The following GLB1 variants were observed in gnomAD, a reference collection of about 807,000 sequenced individuals.
GLB1 encodes the protein beta-galactosidase.
A neutral mutation model predicts 74.0 loss-of-function variants in GLB1; 56 were observed. The ratio of observed to expected loss-of-function variants is 0.76; its 90% CI spans 0.61 to 0.94. The LOEUF is 0.94. GLB1 is among the 40% of genes least tolerant of loss of function. GLB1 has a pLI of 0.00. For missense variants in GLB1, 787 were observed against 845.5 expected (o/e 0.93, Z 0.86); for synonymous variants, 323 against 323.6 (o/e 1.00, Z 0.02).
intron 10 of GLB1, among the ~76,000 whole-genome samples, chr3:33,029,179 AACAAATAT>A (rs1037631512): frequency 6.6e-6 from 1 of 152,228 alleles, no homozygotes; most frequent in Non-Finnish European, 1.5e-5. Flanking sequence ...AAAAGAAATG[AACAAATAT>A]ACCAAAATGC....
intron 5 of GLB1, among the ~76,000 whole-genome samples, chr3:33,060,919 T>C (rs1371702023): frequency 1.3e-5 from 2 of 152,054 alleles, no homozygotes; most frequent in Non-Finnish European, 2.9e-5. Flanking sequence ...ATCTGGCATC[T>C]AGTAAGTGCT....
Position 33,091,104 on chromosome 3 carries a change from G to A in GLB1, c.75+5907C>T, listed in dbSNP as rs569277545. On this transcript the variant is annotated intron_variant, in intron 1 of 15. Coordinates refer to ENST00000307363, the MANE Select transcript of GLB1 (RefSeq NM_000404.4). Reference sequence around the variant, plus strand: ...TAGCCCACCTGGTGAAATCCAAAGCGAGAACTTAAAGGGAGTAAGGATGAT... The same window carrying A: ...TAGCCCACCTGGTGAAATCCAAAGCAAGAACTTAAAGGGAGTAAGGATGAT... 99 of 985,410 alleles carry A rather than the reference G, an allele frequency of 1.0e-4. No individual in the cohort carries two copies. The African/African-American group carries it at 1.4e-3, about 14-fold the overall frequency. 61.0% of individuals were successfully genotyped at this position (985,410 alleles called of 1,614,324 possible).
chr3:32,962,136 A>G, the GLB1 span, among the ~76,000 whole-genome samples: 1 of 151,852 alleles, frequency 6.6e-6, no homozygotes, highest in Admixed American at 6.6e-5. Context: ...GGAGGTTGCA[A>G]TGAGCTGAGG....
chr3:33,094,120 C>T (rs150617227), intron 1 of GLB1: 418 of 1,613,978 alleles, frequency 2.6e-4, no homozygotes, highest in Non-Finnish European at 3.2e-4. Flanking sequence ...GAGCGGGAGG[C>T]GATCATGGAC....
Position 33,053,475 on chromosome 3 carries a change from C to G in GLB1, c.792+16G>C, listed in dbSNP as rs1385388911. On this transcript the variant is annotated intron_variant, in intron 7 of 15. Coordinates refer to ENST00000307363, the MANE Select transcript of GLB1 (RefSeq NM_000404.4). ...TCTTAACAGCTGCAAACACACACCT[C>G]ACCCTCGATTCTTACCAAGGGTCCT... The G allele has an allele frequency of 6.2e-7, 1 of 1,614,208 alleles. No individual in the cohort carries two copies. The highest frequency in any genetic ancestry group is 8.5e-7 in the Non-Finnish European group (1 of 1,180,042).
At chr3:32,979,102 G>A in the GLB1 span, among the ~76,000 whole-genome samples, 3 of 151,684 alleles carry the variant, frequency 2.0e-5, no homozygotes, top group African/African-American at 4.8e-5. Context: ...TCAGCCTCCC[G>A]AGTAGCTGGG....
At chr3:33,071,900 C>T (rs1239398351) in intron 2 of GLB1, among the ~76,000 whole-genome samples, 1 of 152,140 alleles carries the variant, frequency 6.6e-6, no homozygotes, top group Admixed American at 6.6e-5. Flanking sequence ...CCAGAAAGGC[C>T]AAGAAGAATC....
chr3:33,096,405 C>G lies in GLB1; in HGVS notation c.75+606G>C, dbSNP rs868781310. The G allele has an allele frequency of 1.4e-5, 14 of 973,364 alleles. No homozygotes were observed. The South Asian group carries it at 1.9e-4, about 13-fold the overall frequency. The allele number at this position is 973,364 out of a possible 1,614,324, so 60.3% of individuals were successfully genotyped here. A position where few individuals can be genotyped will look rare whatever the true frequency, so the allele number is the denominator to read the frequency against. ...CCCCGGCAGCCTGCCTATTCCCCCCCTCAACCTGGACCCCCAAACGCCGAA... is the reference window on the plus strand; with the variant it reads ...CCCCGGCAGCCTGCCTATTCCCCCCGTCAACCTGGACCCCCAAACGCCGAA... On this transcript the variant is annotated intron_variant, in intron 1 of 15. Coordinates refer to ENST00000307363, the MANE Select transcript of GLB1 (RefSeq NM_000404.4).
chr3:33,092,708 G>A, intron 1 of GLB1: 2 of 1,458,870 alleles, frequency 1.4e-6, no homozygotes, highest in Non-Finnish European at 1.8e-6. Context: ...AGTCAGGCTT[G>A]TGACCAAGGG....
chr3:33,020,480 G>T (rs1380001403), intron 12 of GLB1, among the ~76,000 whole-genome samples: 2 of 152,164 alleles, frequency 1.3e-5, no homozygotes, highest in Admixed American at 1.3e-4. Flanking sequence ...ATCATTCCCT[G>T]AGAAGGACAT....
intron 6 of GLB1, among the ~76,000 whole-genome samples, chr3:33,056,227 CAAAAAAAAAAAAAAAA>C (rs10559091): frequency 1.6e-4 from 8 of 48,624 alleles, no homozygotes; most frequent in East Asian, 1.1e-3. Flanking sequence ...AACTCCACCT[CAAAAAAAAAAAAAAAA>C]AAAAAAAAAA....
intron 10 of GLB1, among the ~76,000 whole-genome samples, chr3:33,038,493 C>G (rs1247790486): frequency 1.3e-5 from 2 of 152,140 alleles, no homozygotes; most frequent in African/African-American, 4.8e-5. Flanking sequence ...TTGAAAGCAT[C>G]AGAAAGCTAC....
rs997166042 is a variant in GLB1, at chr3:33,077,344, T to A, written c.76-4631A>T. The A allele has an allele frequency of 2.1e-5, 32 of 1,504,354 alleles. 1 individual carries two copies. Among genetic ancestry groups the A allele is most frequent in the Middle Eastern group, 3.5e-4 (2 of 5,696 alleles). 93.2% of individuals were successfully genotyped at this position (1,504,354 alleles called of 1,614,324 possible). Reference sequence around the variant, plus strand: ...CACTTAGTAAACTAATGAAAGCCTGTTGTGAACGATAGGGATGGTCAATGA... The same window carrying A: ...CACTTAGTAAACTAATGAAAGCCTGATGTGAACGATAGGGATGGTCAATGA... On this transcript the variant is annotated intron_variant, in intron 1 of 15. Coordinates refer to ENST00000307363, the MANE Select transcript of GLB1 (RefSeq NM_000404.4).
chr3:33,077,337 A>G, intron 1 of GLB1: 1 of 1,536,058 alleles, frequency 6.5e-7, no homozygotes. Context: ...AAACTAATGA[A>G]AGCCTGTTGT....
At chr3:32,987,247 TGA>T in the GLB1 span, among the ~76,000 whole-genome samples, 4 of 152,248 alleles carry the variant, frequency 2.6e-5, no homozygotes, top group African/African-American at 7.2e-5. Flanking sequence ...TTAATGTGTG[TGA>T]GTTTCTCTGG....
In GLB1 at chr3:33,072,679, C is replaced by A; in HGVS notation, c.110G>T (p.Ser37Ile). Residue 37 changes from serine (S) to isoleucine (I), a missense_variant, in exon 2 of 16, where the codon AGC becomes ATC. Transcript: ENST00000307363. ...GCCATCCTTGAGGAAGGAGTCCCGG[C>A]TATAGTCAATTTCAAACATCCTCTG... The part of the protein sequence containing the change: ...ATQRMFEIDY[S>I]RDSFLKDGQP... The A allele has an allele frequency of 6.2e-7, 1 of 1,614,148 alleles. No individual in the cohort carries two copies. Among genetic ancestry groups the A allele is most frequent in the South Asian group, 1.1e-5 (1 of 91,078 alleles).
At chr3:32,978,789 GTCTC>G in the GLB1 span, among the ~76,000 whole-genome samples, 7,402 of 137,212 alleles carry the variant, frequency 0.054, 609 homozygotes, top group East Asian at 0.43. Flanking sequence ...TTGAGACAGA[GTCTC>G]TCTGTCACCC....
Position 33,093,423 on chromosome 3 carries a change from G to C in GLB1, c.75+3588C>G. On this transcript the variant is annotated intron_variant, in intron 1 of 15. Transcript: ENST00000307363. This position sits in a 1 kb window ranked among gnomAD's most constrained non-coding sequence, Gnocchi z 6.0. ...ATGAAGCTGGCCCAGAGGAGCGACA[G>C]CCGTCCGCAGGACCGAGGCTTCTGA... The C allele has an allele frequency of 1.9e-6, 3 of 1,614,134 alleles. No homozygotes were observed. Among genetic ancestry groups the C allele is most frequent in the Non-Finnish European group, 2.5e-6 (3 of 1,180,036 alleles).
the GLB1 span, among the ~76,000 whole-genome samples, chr3:32,977,801 C>G: frequency 1.3e-5 from 2 of 152,198 alleles, no homozygotes; most frequent in Non-Finnish European, 2.9e-5. Context: ...AGCCTCTGCA[C>G]TGACACCGTT....
Sources: gnomAD v4.1 joint callset for allele counts (sites outside exome capture counted in the v4.1 genomes callset) on GRCh38, gnomAD v4.1.1 for gene constraint, Gnocchi (gnomAD v3.1) non-coding constraint, MANE v1.5 for transcripts, NCBI Gene and HGNC (gene_info 2026-07-23, HGNC 2026-07-21) for gene names.